TMSB15B: variants seen among roughly 807,000 people sequenced by gnomAD.
TMSB15B encodes the protein thymosin beta-15B.
chrX:103,936,867 A>G (rs1337381021), intron 1 of TMSB15B, among the ~76,000 whole-genome samples: 1 of 111,936 alleles, frequency 8.9e-6, no homozygotes, highest in African/African-American at 3.3e-5. Flanking sequence ...TGGGTGTTGA[A>G]TTTTATCAAA....
intron 1 of TMSB15B, among the ~76,000 whole-genome samples, chrX:103,936,589 C>T (rs1471563809): frequency 4.5e-5 from 5 of 111,967 alleles, no homozygotes; most frequent in African/African-American, 1.6e-4. Flanking sequence ...ATGTCATCTG[C>T]AAACAGAGAG....
rs1481704672 is a variant in TMSB15B at position 103,952,435 on chromosome X, G to A, written c.-720-9586G>A. 2.7e-5 allele frequency among the ~76,000 whole-genome samples: 3 copies of A among 111,360 alleles called. No homozygotes were observed. In the Admixed American group the frequency reaches 2.9e-4, roughly 11 times the overall value. ...GTAAAGTCACTTACACAACTTTTAG[G>A]ATCTGTGGTACAGTGGTGGTAGGAG... On this transcript the variant is annotated intron_variant, in intron 1 of 3. Transcript: ENST00000419165.
In TMSB15B at chrX:103,928,300, C is replaced by T. The variant is rs1403146300; in HGVS notation, c.-721+9008C>T. The T allele has an allele frequency of 7.5e-6, 9 of 1,205,060 alleles. No homozygotes were observed. The Admixed American group carries it at 2.0e-4, about 26-fold the overall frequency. Reference sequence around the variant, plus strand: ...TGGCAGTGTCAGAGGCTGTGAGACACTTTGGCACGAAGGTCCTCAATACTT... The same window carrying T: ...TGGCAGTGTCAGAGGCTGTGAGACATTTTGGCACGAAGGTCCTCAATACTT... On this transcript the variant is annotated intron_variant, in intron 1 of 3. Coordinates refer to the TMSB15B transcript ENST00000419165.
At chrX:103,933,821 T>G (rs1556320375) in intron 1 of TMSB15B, among the ~76,000 whole-genome samples, 1 of 108,166 alleles carries the variant, frequency 9.2e-6, no homozygotes, top group African/African-American at 3.3e-5. Flanking sequence ...TTTTCTTTTC[T>G]TTCTTTTTCT....
intron 1 of TMSB15B, chrX:103,928,453 G>C: frequency 1.7e-6 from 2 of 1,203,021 alleles, no homozygotes; most frequent in African/African-American, 3.5e-5. Context: ...CCACTGGGCT[G>C]CAGGGATCAT....
At chrX:103,953,279 C>T (rs2153980) in intron 1 of TMSB15B, among the ~76,000 whole-genome samples, 35,005 of 110,749 alleles carry the variant, frequency 0.32, 4,881 homozygotes, top group Middle Eastern at 0.53. Context: ...TGTGGAGTGC[C>T]GGCAGGAGAG....
chrX:103,925,046 T>C (rs1404772690), intron 1 of TMSB15B, among the ~76,000 whole-genome samples: 5 of 112,342 alleles, frequency 4.5e-5, no homozygotes, highest in African/African-American at 1.3e-4. Flanking sequence ...GGAAGGAGCA[T>C]GTGCTCTGTG....
intron 1 of TMSB15B, among the ~76,000 whole-genome samples, chrX:103,944,713 A>T (rs1400366492): frequency 8.9e-6 from 1 of 112,241 alleles, no homozygotes; most frequent in African/African-American, 3.2e-5. Context: ...AGACTTCCAG[A>T]ATCTTCCAAG....
At chrX:103,927,669 T>G (rs1320688231) in intron 1 of TMSB15B, among the ~76,000 whole-genome samples, 5 of 110,106 alleles carry the variant, frequency 4.5e-5, no homozygotes, top group Non-Finnish European at 9.5e-5. Context: ...CAGGTTTTTT[T>G]TTTTTTTTTT....
At chrX:103,929,083 C>T in intron 1 of TMSB15B, 1 of 923,504 alleles carries the variant, frequency 1.1e-6, no homozygotes, top group South Asian at 3.4e-5. Flanking sequence ...TTCTATATAG[C>T]TTACTTCTTT....
intron 1 of TMSB15B, among the ~76,000 whole-genome samples, chrX:103,921,209 T>C (rs1397813328): frequency 9.0e-6 from 1 of 110,729 alleles, no homozygotes; most frequent in Non-Finnish European, 1.9e-5. Flanking sequence ...AACAGTGGGG[T>C]AGTGGTGGTG....
intron 1 of TMSB15B, among the ~76,000 whole-genome samples, chrX:103,924,069 T>C (rs184213591): frequency 1.3e-4 from 15 of 111,976 alleles, no homozygotes; most frequent in Non-Finnish European, 2.1e-4. Context: ...TTTACATATA[T>C]AGATACTGAG....
chrX:103,955,235 C>T (rs1360811785), intron 1 of TMSB15B, among the ~76,000 whole-genome samples: 1 of 111,215 alleles, frequency 9.0e-6, no homozygotes, highest in African/African-American at 3.3e-5. Flanking sequence ...CTCAAAAAAC[C>T]AGAGTACCTT....
intron 1 of TMSB15B, among the ~76,000 whole-genome samples, chrX:103,930,766 T>TAAA (rs1556319839): frequency 2.0e-3 from 206 of 102,936 alleles, no homozygotes; most frequent in Middle Eastern, 4.9e-3. Context: ...ATAATAATAA[T>TAAA]AAATTACTTT....
chrX:103,952,310 A>G (rs1214504153), intron 1 of TMSB15B, among the ~76,000 whole-genome samples: 1 of 111,991 alleles, frequency 8.9e-6, no homozygotes, highest in Admixed American at 9.5e-5. Context: ...TATTTCTGAC[A>G]ACAGCAATAA....
chrX:103,956,240 G>C (rs782566761), intron 1 of TMSB15B, among the ~76,000 whole-genome samples: 29 of 31,155 alleles, frequency 9.3e-4, no homozygotes, highest in Non-Finnish European at 1.6e-3. Context: ...ACATAACCAA[G>C]CCTACAAAAT....
intron 1 of TMSB15B, among the ~76,000 whole-genome samples, chrX:103,943,615 C>T (rs1423789079): frequency 2.7e-5 from 3 of 111,607 alleles, no homozygotes; most frequent in African/African-American, 9.8e-5. Flanking sequence ...AACCACTTGG[C>T]GTGACATTCA....
chrX:103,920,484 G>C (rs1361107206), intron 1 of TMSB15B, among the ~76,000 whole-genome samples: 1 of 111,658 alleles, frequency 9.0e-6, no homozygotes, highest in Admixed American at 9.5e-5. Context: ...AAATGGGCCT[G>C]TCATCAGTGT....
At chrX:103,919,271 C>T (rs1282982671) in exon 1 of TMSB15B, 1 of 112,679 alleles carries the variant, frequency 8.9e-6, no homozygotes, top group Non-Finnish European at 1.9e-5. Flanking sequence ...ACGCACGGAC[C>T]AGGCCCATTT....
Sources: gnomAD v4.1 joint callset for allele counts (sites outside exome capture counted in the v4.1 genomes callset) on GRCh38, gnomAD v4.1.1 for gene constraint, MANE v1.5 for transcripts, NCBI Gene and HGNC (gene_info 2026-07-23, HGNC 2026-07-21) for gene names.